Variants in LMOD1 observed in about 807,000 individuals in gnomAD.
LMOD1 encodes the protein leiomodin 1.
In LMOD1, 8 loss-of-function variants were observed where a neutral mutation model predicts 36.5. That is an observed-to-expected ratio of 0.22 (90% CI 0.13 to 0.40). The LOEUF is 0.40. LMOD1 is among the 10% of genes least tolerant of loss of function. The pLI, the probability that LMOD1 is intolerant of heterozygous loss-of-function variation, is 1.00. For synonymous variants in LMOD1, 284 were observed against 288.7 expected, an observed-to-expected ratio of 0.98 and a Z score of 0.17; for missense variants, 630 against 751.1, an observed-to-expected ratio of 0.84 and a Z score of 1.88.
chr1:201,923,314 T>G (rs1021576453), intron 1 of LMOD1, among the ~76,000 whole-genome samples: 10 of 152,092 alleles, frequency 6.6e-5, no homozygotes, highest in Admixed American at 5.9e-4. Context: ...GCTTCATAAC[T>G]GCTGAACAAA....
At chr1:201,940,616 T>C (rs905724370) in intron 1 of LMOD1, among the ~76,000 whole-genome samples, 2 of 145,638 alleles carry the variant, frequency 1.4e-5, no homozygotes, top group African/African-American at 5.0e-5. Flanking sequence ...GATGGAGTCT[T>C]GCTCTGTCAG....
intron 1 of LMOD1, among the ~76,000 whole-genome samples, chr1:201,906,953 G>C (rs575976759): frequency 6.6e-6 from 1 of 152,332 alleles, no homozygotes; most frequent in South Asian, 2.1e-4. Context: ...GGCACCAGCT[G>C]TCCTGGGTAG....
At chr1:201,918,734 C>G (rs755915595) in intron 1 of LMOD1, among the ~76,000 whole-genome samples, 11 of 152,196 alleles carry the variant, frequency 7.2e-5, no homozygotes, top group Non-Finnish European at 1.6e-4. Flanking sequence ...CTAGAGAGAA[C>G]AGCACAATGA....
intron 1 of LMOD1, among the ~76,000 whole-genome samples, chr1:201,931,265 T>C (rs1470083459): frequency 6.6e-6 from 1 of 152,210 alleles, no homozygotes; most frequent in Non-Finnish European, 1.5e-5. Context: ...CCGGGTTCGG[T>C]GGCTCACGCC....
rs568786996 is a variant in LMOD1 at position 201,946,150 on chromosome 1, T to C, written c.191A>G (p.Asn64Ser). 2.4e-5 allele frequency: 39 copies of C among 1,613,964 alleles called. No homozygotes were observed. In the African/African-American group the frequency reaches 4.7e-4, roughly 19 times the overall value. ...QTEKQSTGVYNREAMLNFCEK... is the reference protein window; with the variant it reads ...QTEKQSTGVYSREAMLNFCEK... ...ACAGAAGTTGAGCATGGCCTCCCGG[T>C]TGTACACACCCGTGGACTGTTTCTC... is the stretch of plus-strand genomic sequence containing the variant. Residue 64 changes from asparagine (N) to serine (S), a missense_variant, in exon 1 of 3, where the codon AAC becomes AGC. By Grantham distance (46) the Asn-to-Ser change is conservative. Coordinates refer to ENST00000367288, the MANE Select transcript of LMOD1 (RefSeq NM_012134.3).
intron 1 of LMOD1, among the ~76,000 whole-genome samples, chr1:201,936,814 C>T (rs1380987691): frequency 6.6e-6 from 1 of 152,076 alleles, no homozygotes; most frequent in Non-Finnish European, 1.5e-5. Flanking sequence ...GTGGCAGACA[C>T]CTGTAATCCC....
Position 201,905,475 on chromosome 1 carries a change from G to A in LMOD1, c.262-4724C>T, listed in dbSNP as rs547951674. 2.4e-4 allele frequency among the ~76,000 whole-genome samples: 37 copies of A among 152,338 alleles called. No individual in the cohort carries two copies. The South Asian group carries it at 5.2e-3, about 21-fold the overall frequency. On this transcript the variant is annotated intron_variant, in intron 1 of 2. Coordinates refer to ENST00000367288, the MANE Select transcript of LMOD1 (RefSeq NM_012134.3). Reference sequence around the variant, plus strand: ...AAGTCTTATCTGATTAAACAGAGGAGAGAACATTTCACCACCTCCATTGGC... The same window carrying A: ...AAGTCTTATCTGATTAAACAGAGGAAAGAACATTTCACCACCTCCATTGGC...
chr1:201,929,678 A>C (rs988787971), intron 1 of LMOD1, among the ~76,000 whole-genome samples: 1 of 152,262 alleles, frequency 6.6e-6, no homozygotes, highest in African/African-American at 2.4e-5. Context: ...TTGTAGATTC[A>C]ATCAAGTATG....
At chr1:201,907,075 C>T (rs1055613614) in intron 1 of LMOD1, among the ~76,000 whole-genome samples, 20 of 152,148 alleles carry the variant, frequency 1.3e-4, no homozygotes, top group African/African-American at 4.8e-4. Flanking sequence ...CTGATATTGC[C>T]CCTAGAAAAC....
In LMOD1 at chr1:201,910,744, C is replaced by CTTTTTTTTTTTTTTTT. The variant is rs58506647; in HGVS notation, c.262-10009_262-9994dup. 1.4e-4 allele frequency among the ~76,000 whole-genome samples: 7 copies of CTTTTTTTTTTTTTTTT among 49,068 alleles called. 3 individuals carry two copies. Among genetic ancestry groups the CTTTTTTTTTTTTTTTT allele is most frequent in the African/African-American group, 5.2e-4 (6 of 11,514 alleles). The allele number at this position is 49,068 out of a possible 152,430, so 32.2% of individuals were successfully genotyped here. A position where few individuals can be genotyped will look rare whatever the true frequency, so the allele number is the denominator to read the frequency against. ...TTCCCCTTTTGCAGATGGTGTCATT[C>CTTTTTTTTTTTTTTTT]TTTTTTTTTTTTTTTTTTTTTTTTT... On this transcript the variant is annotated intron_variant, in intron 1 of 2. Transcript: ENST00000367288.
At chr1:201,933,040 C>A (rs919562684) in intron 1 of LMOD1, among the ~76,000 whole-genome samples, 1 of 152,120 alleles carries the variant, frequency 6.6e-6, no homozygotes, top group Non-Finnish European at 1.5e-5. Flanking sequence ...CTGGAAACAA[C>A]CCAAATGTCC....
intron 1 of LMOD1, among the ~76,000 whole-genome samples, chr1:201,927,639 T>C (rs935112221): frequency 1.3e-5 from 2 of 150,374 alleles, no homozygotes; most frequent in African/African-American, 4.9e-5. Flanking sequence ...GTTGAGGACA[T>C]GGGACAAGTG....
At chr1:201,935,984 A>G (rs1368620491) in intron 1 of LMOD1, among the ~76,000 whole-genome samples, 4 of 149,548 alleles carry the variant, frequency 2.7e-5, no homozygotes, top group Non-Finnish European at 5.9e-5. Context: ...GCGTGGTGGC[A>G]GGCGCCTGTA....
At chr1:201,907,440 C>A (rs552259161) in intron 1 of LMOD1, among the ~76,000 whole-genome samples, 1 of 152,344 alleles carries the variant, frequency 6.6e-6, no homozygotes, top group Non-Finnish European at 1.5e-5. Context: ...GGGCCCCAAC[C>A]TCCTCCTATC....
intron 1 of LMOD1, among the ~76,000 whole-genome samples, 167 bp from the exon 2 acceptor site, chr1:201,900,918 G>A (rs771194567): frequency 4.6e-5 from 7 of 152,158 alleles, no homozygotes; most frequent in Non-Finnish European, 7.3e-5. Context: ...GGCAGCAAAA[G>A]AGGGACTCAG....
intron 1 of LMOD1, among the ~76,000 whole-genome samples, chr1:201,918,364 C>T (rs1681643950): frequency 6.6e-6 from 1 of 152,230 alleles, no homozygotes; most frequent in African/African-American, 2.4e-5. Flanking sequence ...TGAGTGCACT[C>T]TGTCTCCAGA....
chr1:201,896,858 C>A lies in LMOD1; in HGVS notation c.*1514G>T, dbSNP rs1160122778. ...AGACTGCCCTCTGGTTTTGGTCAGA[C>A]CTAGCACAGCGATCTTGCTTCCTAG... On this transcript the variant is annotated 3_prime_UTR_variant, in exon 3 of 3. Transcript: ENST00000367288. The A allele has an allele frequency of 5.4e-6, 2 of 372,486 alleles. No homozygotes were observed. Among genetic ancestry groups the A allele is most frequent in the Admixed American group, 3.2e-5 (1 of 31,056 alleles). The allele number at this position is 372,486 out of a possible 1,614,324, so 23.1% of individuals were successfully genotyped here.
chr1:201,910,832 G>A (rs977227818), intron 1 of LMOD1, among the ~76,000 whole-genome samples: 2 of 113,252 alleles, frequency 1.8e-5, no homozygotes, highest in Non-Finnish European at 1.7e-5. Flanking sequence ...TCAGCTCACT[G>A]TAACCTCTGC....
chr1:201,938,273 G>T (rs1682050044), intron 1 of LMOD1, among the ~76,000 whole-genome samples: 1 of 152,044 alleles, frequency 6.6e-6, no homozygotes, highest in South Asian at 2.1e-4. Context: ...GGGATTACAG[G>T]CACGTGCCAC....
Sources: allele counts gnomAD v4.1 joint callset (sites outside exome capture counted in the v4.1 genomes callset), GRCh38; gene constraint gnomAD v4.1.1; transcripts MANE v1.5; gene names NCBI Gene and HGNC (gene_info 2026-07-23, HGNC 2026-07-21).